Variants in KCNN3 observed in about 807,000 individuals in gnomAD.
KCNN3 encodes the protein small conductance calcium-activated potassium channel protein 3.
KCNN3 carries 16 observed loss-of-function variants against 62.9 expected under a neutral mutation model. The ratio of observed to expected loss-of-function variants is 0.25; its 90% CI spans 0.17 to 0.39. KCNN3 has a LOEUF of 0.39. Ranked by LOEUF, KCNN3 falls within the 10% of genes least tolerant of loss-of-function variation. KCNN3 has a pLI of 1.00. For synonymous variants in KCNN3, 370 were observed against 389.2 expected (o/e 0.95, Z 0.58); for missense variants, 599 against 949.4 (o/e 0.63, Z 4.85).
chr1:154,766,683 TG>T (rs929392166), intron 3 of KCNN3, among the ~76,000 whole-genome samples: 3 of 144,006 alleles, frequency 2.1e-5, no homozygotes, highest in East Asian at 2.0e-4. Context: ...TTTTGGGGTT[TG>T]TTTTTTTTTT....
chr1:154,727,788 A>C (rs1334526949), intron 4 of KCNN3, among the ~76,000 whole-genome samples: 1 of 152,230 alleles, frequency 6.6e-6, no homozygotes, highest in East Asian at 1.9e-4. Context: ...CCAAAAGCAA[A>C]AAATAGCTTA....
rs59465212 is a variant in KCNN3 at position 154,866,949 on chromosome 1, C to T, written c.933+2083G>A. The stretch of plus-strand genomic sequence containing the variant: ...CTGATCCTGCAGAGTGGTGACTCTC[C>T]CGTCGCGTTAAGACAAATGTGCATA... On this transcript the variant is annotated intron_variant, in intron 1 of 7. Coordinates refer to ENST00000271915, the MANE Select transcript of KCNN3 (RefSeq NM_002249.6). Among the ~76,000 whole-genome samples, 287 of 152,326 alleles carry T rather than the reference C, an allele frequency of 1.9e-3. 10 individuals carry two copies. In the East Asian group the frequency reaches 0.051, roughly 27 times the overall value.
chr1:154,750,368 A>G (rs1209458912), intron 3 of KCNN3, among the ~76,000 whole-genome samples: 1 of 152,228 alleles, frequency 6.6e-6, no homozygotes, highest in Non-Finnish European at 1.5e-5. Flanking sequence ...AGATATGAAG[A>G]GACAGATTGC....
At chr1:154,776,422 C>A (rs1452047564) in intron 2 of KCNN3, among the ~76,000 whole-genome samples, 1 of 150,424 alleles carries the variant, frequency 6.6e-6, no homozygotes, top group Non-Finnish European at 1.5e-5. Flanking sequence ...GTGTAAAGAG[C>A]GGGTGTTTTG....
chr1:154,813,208 CTTTTTTTTTTTTTT>C (rs57970335), intron 2 of KCNN3, among the ~76,000 whole-genome samples: 1 of 88,368 alleles, frequency 1.1e-5, no homozygotes, highest in Non-Finnish European at 2.7e-5. Flanking sequence ...TGTTAGGCTG[CTTTTTTTTTTTTTT>C]TTTTTTTTTG....
At chr1:154,860,231 C>T (rs147123507) in intron 1 of KCNN3, among the ~76,000 whole-genome samples, 175 of 152,334 alleles carry the variant, frequency 1.1e-3, no homozygotes, top group African/African-American at 4.1e-3. Flanking sequence ...GTTCTCTTGA[C>T]GACGCATCAG....
At chr1:154,804,235 G>T (rs149657960) in intron 2 of KCNN3, among the ~76,000 whole-genome samples, 1 of 152,180 alleles carries the variant, frequency 6.6e-6, no homozygotes, top group Non-Finnish European at 1.5e-5. Context: ...AGATTAATGC[G>T]TTCACTCACA....
rs947591190 is a variant in KCNN3 at position 154,862,910 on chromosome 1, G to A, written c.933+6122C>T. Among the ~76,000 whole-genome samples the A allele has an allele frequency of 6.6e-6, 1 of 152,306 alleles. No homozygotes were observed. Among genetic ancestry groups the A allele is most frequent in the Admixed American group, 6.5e-5 (1 of 15,298 alleles). ...TGGGCAGCAGCAGGCAAGGGAAAGGGCATGAACTTGGGAGCTAAACGGGCT... is the reference window on the plus strand; with the variant it reads ...TGGGCAGCAGCAGGCAAGGGAAAGGACATGAACTTGGGAGCTAAACGGGCT... On this transcript the variant is annotated intron_variant, in intron 1 of 7. Transcript: ENST00000271915. This position sits in a 1 kb window ranked among gnomAD's most constrained non-coding sequence, Gnocchi z 4.1.
chr1:154,708,299 C>A (rs1278183333), intron 7 of KCNN3, 27 bp from the exon 8 acceptor site: 1 of 1,610,354 alleles, frequency 6.2e-7, no homozygotes, highest in African/African-American at 1.3e-5. Context: ...AGGCGAGAGA[C>A]AGGGAGATGA....
At chr1:154,825,921 G>A (rs931155868) in intron 1 of KCNN3, among the ~76,000 whole-genome samples, 5 of 151,612 alleles carry the variant, frequency 3.3e-5, no homozygotes, top group South Asian at 2.1e-4. Context: ...GGTGGCAGGC[G>A]CCTGTAGTCC....
intron 1 of KCNN3, among the ~76,000 whole-genome samples, chr1:154,866,853 C>T (rs1652974109): frequency 6.6e-6 from 1 of 152,218 alleles, no homozygotes; most frequent in African/African-American, 2.4e-5. Context: ...CTGCCTTCCG[C>T]ATCTCTGGGA....
At position 154,869,006 on chromosome 1, in the gene KCNN3, G is replaced by C. The variant is rs1172739647; in HGVS notation, c.933+26C>G. The C allele has an allele frequency of 6.2e-7, 1 of 1,608,168 alleles. No homozygotes were observed. On this transcript the variant is annotated intron_variant, in intron 1 of 7. Transcript: ENST00000271915. This position sits in a 1 kb window ranked among gnomAD's most constrained non-coding sequence, Gnocchi z 6.1. ...TACCTACATATTCCTTTTGTTCAAG[G>C]TATAAAGAGAAACCACAGCCCCTAC... is the stretch of plus-strand genomic sequence containing the variant.
chr1:154,718,418 G>C (rs941706901), intron 5 of KCNN3, among the ~76,000 whole-genome samples: 1 of 152,226 alleles, frequency 6.6e-6, no homozygotes, highest in Non-Finnish European at 1.5e-5. Flanking sequence ...AACATATACT[G>C]AGTGCTTACT....
intron 3 of KCNN3, 97 bp from the exon 4 acceptor site, chr1:154,733,241 G>A: frequency 7.5e-7 from 1 of 1,327,890 alleles, no homozygotes; most frequent in Non-Finnish European, 1.1e-6. Context: ...GAGATATTTT[G>A]CTGAGGAAGA....
intron 1 of KCNN3, among the ~76,000 whole-genome samples, chr1:154,835,970 T>C (rs1046770718): frequency 1.1e-4 from 16 of 152,158 alleles, no homozygotes; most frequent in African/African-American, 3.6e-4. Flanking sequence ...CCCTCTGGCA[T>C]CAGTGGTCAG....
In KCNN3 at chr1:154,705,173, C is replaced by T. The variant is rs1699943326; in HGVS notation, c.*2803G>A. The T allele has an allele frequency of 6.6e-6, 1 of 152,098 alleles. No individual in the cohort carries two copies. Among genetic ancestry groups the T allele is most frequent in the Non-Finnish European group, 1.5e-5 (1 of 68,026 alleles). The allele number at this position is 152,098 out of a possible 1,614,324, so 9.4% of individuals were successfully genotyped here. A position where few individuals can be genotyped will look rare whatever the true frequency, so the allele number is the denominator to read the frequency against. On this transcript the variant is annotated 3_prime_UTR_variant, in exon 8 of 8. Coordinates refer to ENST00000271915, the MANE Select transcript of KCNN3 (RefSeq NM_002249.6). ...CATGAGAATCCACCTGCCCCTTTTC[C>T]CATCTGACTGTGATGCTGAGGTGTG...
intron 1 of KCNN3, chr1:154,867,999 G>A: frequency 3.0e-6 from 3 of 985,336 alleles, no homozygotes; most frequent in Non-Finnish European, 3.6e-6. Context: ...CTCCGTCTTG[G>A]GGCTGGACTG....
intron 1 of KCNN3, among the ~76,000 whole-genome samples, chr1:154,851,970 C>T (rs1652317395): frequency 1.3e-5 from 2 of 152,226 alleles, no homozygotes; most frequent in Admixed American, 1.3e-4. Context: ...GACCTCACAA[C>T]CCCGCCCACA....
In KCNN3 at chr1:154,701,670, C is replaced by G. The variant is rs867538873; in HGVS notation, c.*6306G>C. The G allele has an allele frequency of 1.3e-5, 2 of 152,338 alleles. No individual in the cohort carries two copies. Among genetic ancestry groups the G allele is most frequent in the South Asian group, 2.1e-4 (1 of 4,826 alleles). 9.4% of individuals were successfully genotyped at this position (152,338 alleles called of 1,614,324 possible). ...TCTGGCTGTTCATGTCCTGCCGGCT[C>G]CTCCCATCACTCCCTTAGGAGCTGG... On this transcript the variant is annotated 3_prime_UTR_variant, in exon 8 of 8. Coordinates refer to ENST00000271915, the MANE Select transcript of KCNN3 (RefSeq NM_002249.6).
Sources: allele counts gnomAD v4.1 joint callset (sites outside exome capture counted in the v4.1 genomes callset), GRCh38; gene constraint gnomAD v4.1.1; non-coding constraint Gnocchi (gnomAD v3.1); transcripts MANE v1.5; gene names NCBI Gene and HGNC (gene_info 2026-07-23, HGNC 2026-07-21).